ARFGEF2: variants seen among roughly 807,000 people sequenced by gnomAD.
The protein encoded by ARFGEF2 is ARF guanine nucleotide exchange factor 2.
Under a neutral mutation model 219.9 loss-of-function variants are expected in ARFGEF2, and 74 were observed. That is an observed-to-expected ratio of 0.34 (90% CI 0.28 to 0.41). ARFGEF2 has a LOEUF of 0.41. Ranked by LOEUF, ARFGEF2 falls within the 10% of genes least tolerant of loss-of-function variation. The pLI, the probability that ARFGEF2 is intolerant of heterozygous loss-of-function variation, is 1.00. For missense variants in ARFGEF2, 1,743 were observed against 2,218.3 expected (o/e 0.79, Z 4.30); for synonymous variants, 733 against 799.2 (o/e 0.92, Z 1.40).
At chr20:48,937,526 G>A (rs1054892903) in intron 1 of ARFGEF2, among the ~76,000 whole-genome samples, 2 of 152,218 alleles carry the variant, frequency 1.3e-5, no homozygotes, top group African/African-American at 2.4e-5. Flanking sequence ...GGGATTACAG[G>A]CGTGAGCCAC....
intron 1 of ARFGEF2, among the ~76,000 whole-genome samples, chr20:48,924,640 G>A (rs1460627010): frequency 6.6e-6 from 1 of 151,922 alleles, no homozygotes; most frequent in Non-Finnish European, 1.5e-5. Flanking sequence ...ACGGCTCAAA[G>A]TTGAAATGCT....
At chr20:48,925,100 T>C (rs975566056) in intron 1 of ARFGEF2, among the ~76,000 whole-genome samples, 4 of 152,240 alleles carry the variant, frequency 2.6e-5, no homozygotes, top group Admixed American at 1.3e-4. Flanking sequence ...AAAGGCTGTG[T>C]TGGAGTATTA....
At chr20:48,972,211 C>CTGCCCAGGGTGCTTTACTTA (rs1271729385) in intron 10 of ARFGEF2, 115 bp from the exon 11 acceptor site, 18 of 746,572 alleles carry the variant, frequency 2.4e-5, no homozygotes, top group Non-Finnish European at 3.8e-5. Context: ...CACTCTTCTT[C>CTGCCCAGGGTGCTTTACTTA]TGCCCAGGGT....
At chr20:49,030,494 T>C (rs1006823847) in intron 37 of ARFGEF2, among the ~76,000 whole-genome samples, 2 of 151,344 alleles carry the variant, frequency 1.3e-5, no homozygotes, top group Non-Finnish European at 1.5e-5. Context: ...GAAGGAAATA[T>C]GCCAAAATAT....
chr20:48,925,341 A>C (rs2090870209), intron 1 of ARFGEF2, among the ~76,000 whole-genome samples: 2 of 152,198 alleles, frequency 1.3e-5, no homozygotes, highest in African/African-American at 4.8e-5. Context: ...CCTTGTTATG[A>C]AACTTTGATA....
Position 49,033,930 on chromosome 20 carries a change from G to C in ARFGEF2, c.*731G>C, listed in dbSNP as rs968943084. 1 of 152,212 alleles carries C rather than the reference G, an allele frequency of 6.6e-6. No homozygotes were observed. Among genetic ancestry groups the C allele is most frequent in the Non-Finnish European group, 1.5e-5 (1 of 68,036 alleles). 9.4% of individuals were successfully genotyped at this position (152,212 alleles called of 1,614,324 possible). On this transcript the variant is annotated 3_prime_UTR_variant, in exon 39 of 39. Coordinates refer to ENST00000371917, the MANE Select transcript of ARFGEF2 (RefSeq NM_006420.3). Reference sequence around the variant, plus strand: ...AGAGAAAAAGTCTACACGAAAAAGTGAACAATTTAATGAAGATGATTAGCC... The same window carrying C: ...AGAGAAAAAGTCTACACGAAAAAGTCAACAATTTAATGAAGATGATTAGCC...
chr20:48,954,791 G>A (rs115300201), intron 6 of ARFGEF2, among the ~76,000 whole-genome samples: 1,605 of 152,202 alleles, frequency 0.011, 30 homozygotes, highest in African/African-American at 0.036. Flanking sequence ...TGAGCACGGA[G>A]TTGCCTTCTA....
chr20:49,028,727 A>G, intron 37 of ARFGEF2, 59 bp downstream of exon 37: 1 of 1,556,802 alleles, frequency 6.4e-7, no homozygotes, highest in Non-Finnish European at 8.8e-7. Context: ...GCATCACAGC[A>G]ATACTGTGGA....
chr20:48,989,824 C>G, intron 20 of ARFGEF2, 140 bp downstream of exon 20: 4 of 1,321,356 alleles, frequency 3.0e-6, no homozygotes, highest in Non-Finnish European at 4.2e-6. Flanking sequence ...GACAAGAAAT[C>G]CGTAGCTTTG....
chr20:48,996,455 CA>C (rs59802794), intron 23 of ARFGEF2, among the ~76,000 whole-genome samples: 2 of 126,916 alleles, frequency 1.6e-5, no homozygotes, highest in South Asian at 2.5e-4. Context: ...ACTCCATCTG[CA>C]AAAAAAAAAC....
chr20:49,006,944 T>A lies in ARFGEF2; in HGVS notation c.3584+1723T>A, dbSNP rs531558900. On this transcript the variant is annotated intron_variant, in intron 26 of 38. Coordinates refer to ENST00000371917, the MANE Select transcript of ARFGEF2 (RefSeq NM_006420.3). ...ATCCGCCCACCTGGGCCTCCCAAAG[T>A]GCTGGGATTACAGGCACGAGCTACC... Among the ~76,000 whole-genome samples the A allele has an allele frequency of 4.0e-5, 6 of 151,148 alleles. No individual in the cohort carries two copies. In the South Asian group the frequency reaches 1.1e-3, roughly 26 times the overall value.
chr20:49,017,371 A>G lies in ARFGEF2; in HGVS notation c.4438A>G (p.Thr1480Ala), dbSNP rs1568740066. 6.2e-7 allele frequency: 1 copy of G among 1,614,070 alleles called. No homozygotes were observed. Among genetic ancestry groups the G allele is most frequent in the Non-Finnish European group, 8.5e-7 (1 of 1,179,996 alleles). ...TCNCMLDIFK[T>A]TIPHVLLTWR... ...CAACTGTATGTTGGATATTTTCAAA[A>G]CAACCATCCCACATGTGTAAGTGTT... The change falls in exon 32 of 39, where the codon ACA (threonine) becomes GCA (alanine). Residue 1480 changes from threonine to alanine, a missense_variant. Around this residue, in one of 5 missense-constraint regions of ARFGEF2, gnomAD observed 578 missense variants for 664.0 expected, o/e 0.87. Transcript: ENST00000371917.
intron 38 of ARFGEF2, among the ~76,000 whole-genome samples, chr20:49,032,534 C>A (rs1476374508): frequency 2.0e-5 from 3 of 151,944 alleles, no homozygotes; most frequent in Admixed American, 2.0e-4. Flanking sequence ...GCAAGACTAT[C>A]CAAATTTAAT....
intron 4 of ARFGEF2, among the ~76,000 whole-genome samples, chr20:48,952,124 A>G (rs1431382799): frequency 6.7e-6 from 1 of 148,914 alleles, no homozygotes; most frequent in Non-Finnish European, 1.5e-5. Context: ...TTTTTCAGTC[A>G]GTATGAAAAT....
At chr20:48,949,226 G>A (rs1349738315) in intron 3 of ARFGEF2, among the ~76,000 whole-genome samples, 6 of 152,282 alleles carry the variant, frequency 3.9e-5, no homozygotes, top group South Asian at 2.1e-4. Context: ...TCATACTTTA[G>A]TTAAAGTGCG....
chr20:48,950,809 AAAATATATATATATATATATATATATAT>A (rs2091063956), intron 3 of ARFGEF2, among the ~76,000 whole-genome samples: 1 of 41,164 alleles, frequency 2.4e-5, no homozygotes, highest in Non-Finnish European at 4.5e-5. Context: ...AAAAAAAAAA[AAAATATATATATATATATATATATATAT>A]ATATATATAT....
intron 25 of ARFGEF2, among the ~76,000 whole-genome samples, chr20:48,999,520 A>G (rs2091411905): frequency 6.6e-6 from 1 of 152,144 alleles, no homozygotes; most frequent in African/African-American, 2.4e-5. Context: ...AGGCTGAGGC[A>G]GGTGGATCAC....
chr20:48,950,811 AATATATAT>A (rs71184245), intron 3 of ARFGEF2, among the ~76,000 whole-genome samples: 756 of 64,404 alleles, frequency 0.012, 24 homozygotes, highest in African/African-American at 0.033. Context: ...AAAAAAAAAA[AATATATAT>A]ATATATATAT....
At chr20:49,011,857 A>C (rs1284608518) in intron 27 of ARFGEF2, 67 bp from the exon 28 acceptor site, 1 of 1,500,492 alleles carries the variant, frequency 6.7e-7, no homozygotes, top group South Asian at 1.1e-5. Context: ...GTGTGCACGC[A>C]CGTGCATTTT....
Sources: allele counts gnomAD v4.1 joint callset (sites outside exome capture counted in the v4.1 genomes callset), GRCh38; gene constraint gnomAD v4.1.1; regional missense constraint gnomAD v4.1.1; transcripts MANE v1.5; gene names NCBI Gene and HGNC (gene_info 2026-07-23, HGNC 2026-07-21).